Variants in TENM3 observed in about 807,000 individuals in gnomAD.
TENM3 encodes the protein teneurin transmembrane protein 3, also known as teneurin-3.
TENM3 carries 63 observed loss-of-function variants against 255.1 expected under a neutral mutation model. The observed-to-expected ratio is 0.25, with a 90% CI of 0.20 to 0.30. The LOEUF is 0.30. Among genes scored for constraint, TENM3 ranks in the 10% least tolerant of loss-of-function variants. The probability of loss-of-function intolerance (pLI) is 1.00; values close to 1 mark genes in which losing one functional copy is unlikely to be tolerated. For missense variants in TENM3, 2,929 were observed against 3,461.1 expected, an observed-to-expected ratio of 0.85 and a Z score of 3.86; for synonymous variants, 1,306 against 1,322.3, an observed-to-expected ratio of 0.99 and a Z score of 0.27.
At chr4:181,731,004 T>C in the TENM3 span, among the ~76,000 whole-genome samples, 7 of 152,204 alleles carry the variant, frequency 4.6e-5, no homozygotes, top group African/African-American at 1.7e-4. Flanking sequence ...TTATGAATTG[T>C]AGACCACCCA....
At chr4:181,600,891 G>C in the TENM3 span, among the ~76,000 whole-genome samples, 2 of 152,046 alleles carry the variant, frequency 1.3e-5, no homozygotes, top group African/African-American at 4.8e-5. Flanking sequence ...GTTCAGGTGG[G>C]TCTGCTCTCC....
the TENM3 span, among the ~76,000 whole-genome samples, chr4:181,455,895 T>C: frequency 5.9e-5 from 9 of 152,044 alleles, no homozygotes; most frequent in Admixed American, 3.9e-4. Flanking sequence ...GCTATATTAA[T>C]AGCTTTGATA....
At chr4:182,362,699 G>T (rs1377246940) in intron 3 of TENM3, among the ~76,000 whole-genome samples, 8 of 152,156 alleles carry the variant, frequency 5.3e-5, no homozygotes, top group Non-Finnish European at 1.2e-4. Flanking sequence ...GCCTCGCCCT[G>T]CTTCGGCTCG....
chr4:181,846,195 A>C, the TENM3 span, among the ~76,000 whole-genome samples: 1 of 152,154 alleles, frequency 6.6e-6, no homozygotes, highest in African/African-American at 2.4e-5. Flanking sequence ...TCTAAAATTC[A>C]TAAGTCATTT....
chr4:182,233,919 G>C (rs1227486630), intron 1 of TENM3, among the ~76,000 whole-genome samples: 2 of 152,208 alleles, frequency 1.3e-5, no homozygotes, highest in African/African-American at 4.8e-5. Flanking sequence ...TTTTCTCTTG[G>C]TTAAGTCACT....
intron 3 of TENM3, among the ~76,000 whole-genome samples, chr4:182,376,676 T>A (rs2150892651): frequency 6.6e-6 from 1 of 151,828 alleles, no homozygotes; most frequent in Non-Finnish European, 1.5e-5. Flanking sequence ...AGGAGGGAGG[T>A]GGCTGAACCG....
the TENM3 span, among the ~76,000 whole-genome samples, chr4:181,700,067 A>G: frequency 5.6e-4 from 86 of 152,326 alleles, no homozygotes; most frequent in African/African-American, 1.7e-3. Flanking sequence ...CATCATTCAC[A>G]TTCAGAATCA....
chr4:182,553,071 A>T (rs1742214101), intron 3 of TENM3, among the ~76,000 whole-genome samples: 1 of 152,030 alleles, frequency 6.6e-6, no homozygotes, highest in African/African-American at 2.4e-5. Context: ...TTGCTTTTGT[A>T]ATCTTTAAAT....
At chr4:181,696,201 G>T in the TENM3 span, among the ~76,000 whole-genome samples, 1 of 152,176 alleles carries the variant, frequency 6.6e-6, no homozygotes, top group Admixed American at 6.5e-5. Flanking sequence ...ATCTGACAGA[G>T]TTACAGTTTT....
chr4:181,497,139 C>T, the TENM3 span, among the ~76,000 whole-genome samples: 1,360 of 152,192 alleles, frequency 8.9e-3, 16 homozygotes, highest in South Asian at 0.033. Flanking sequence ...GACAGCATCC[C>T]ATAGATAGAC....
the TENM3 span, among the ~76,000 whole-genome samples, chr4:181,997,478 G>T: frequency 6.6e-6 from 1 of 152,148 alleles, no homozygotes; most frequent in African/African-American, 2.4e-5. Context: ...GTTCTCCCAA[G>T]AGGAACACAG....
chr4:181,847,398 A>T, the TENM3 span, among the ~76,000 whole-genome samples: 1 of 152,126 alleles, frequency 6.6e-6, no homozygotes, highest in Non-Finnish European at 1.5e-5. Context: ...AAATTTGAGG[A>T]GGTATCATTT....
At chr4:182,561,159 CTA>C (rs1743129319) in intron 3 of TENM3, among the ~76,000 whole-genome samples, 1 of 151,592 alleles carries the variant, frequency 6.6e-6, no homozygotes, top group African/African-American at 2.4e-5. Context: ...AAAAGACAAA[CTA>C]AGACTCAAAA....
the TENM3 span, chr4:181,523,034 G>C: frequency 1.6e-6 from 1 of 615,176 alleles, no homozygotes; most frequent in African/African-American, 1.8e-5. Context: ...GTAGAAGAAG[G>C]GAAATCGCAA....
chr4:181,870,965 G>A, the TENM3 span, among the ~76,000 whole-genome samples: 1 of 151,902 alleles, frequency 6.6e-6, no homozygotes, highest in Non-Finnish European at 1.5e-5. Flanking sequence ...TGAAGTAGGG[G>A]TTGAAATGCA....
At chr4:181,914,124 C>T in the TENM3 span, among the ~76,000 whole-genome samples, 1 of 152,220 alleles carries the variant, frequency 6.6e-6, no homozygotes, top group Non-Finnish European at 1.5e-5. Flanking sequence ...TGATATCACT[C>T]CTTTGGTTAA....
In TENM3 at chr4:182,754,747, G is replaced by C. The variant is rs1762608042; in HGVS notation, c.4380G>C (p.Gln1460His). ...CKNDANCDCY[Q>H]SGDGYAKDAK... is the part of the protein sequence containing the mutation. ...ATGATGCCAACTGTGACTGTTACCA[G>C]AGTGGAGATGGCTACGCCAAGGATG... is the stretch of plus-strand genomic sequence containing the variant. The change falls in exon 22 of 28, where the codon CAG becomes CAC. Residue 1460 changes from glutamine to histidine, a missense_variant. By Grantham distance (24) the Gln-to-His change is conservative. Around this residue, in one of 6 missense-constraint regions of TENM3, gnomAD observed 1,608 missense variants for 1,884.4 expected, o/e 0.85. Transcript: ENST00000511685. This position sits in a 1 kb window ranked among gnomAD's most constrained non-coding sequence, Gnocchi z 5.1. 6.2e-7 allele frequency: 1 copy of C among 1,613,962 alleles called. No homozygotes were observed.
At chr4:182,678,838 T>G (rs565070877) in intron 7 of TENM3, among the ~76,000 whole-genome samples, 1 of 152,318 alleles carries the variant, frequency 6.6e-6, no homozygotes, top group South Asian at 2.1e-4. Context: ...GAGCTCATTG[T>G]GTGAAGTGAA....
the TENM3 span, among the ~76,000 whole-genome samples, chr4:181,702,686 A>T: frequency 6.6e-6 from 1 of 152,222 alleles, no homozygotes; most frequent in Non-Finnish European, 1.5e-5. Context: ...CATAATGTAA[A>T]CATATAAAAA....
Sources: gnomAD v4.1 joint callset for allele counts (sites outside exome capture counted in the v4.1 genomes callset) on GRCh38, gnomAD v4.1.1 for gene constraint, gnomAD v4.1.1 regional missense constraint, Gnocchi (gnomAD v3.1) non-coding constraint, MANE v1.5 for transcripts, NCBI Gene and HGNC (gene_info 2026-07-23, HGNC 2026-07-21) for gene names.